COL8A1: variants seen among roughly 807,000 people sequenced by gnomAD.
COL8A1 encodes the protein collagen alpha-1(VIII) chain.
COL8A1 carries 21 observed loss-of-function variants against 42.7 expected under a neutral mutation model. The observed-to-expected ratio is 0.49, with a 90% CI of 0.35 to 0.71. The LOEUF (loss-of-function observed/expected upper bound fraction) is 0.71. Among genes scored for constraint, COL8A1 ranks in the 30% least tolerant of loss-of-function variants. COL8A1 has a pLI of 0.01. For missense variants in COL8A1, 788 were observed against 962.4 expected (o/e 0.82, Z 2.40); for synonymous variants, 367 against 369.1 (o/e 0.99, Z 0.06).
chr3:99,674,375 T>C (rs1034650018), intron 1 of COL8A1, among the ~76,000 whole-genome samples: 8 of 151,946 alleles, frequency 5.3e-5, no homozygotes, highest in Admixed American at 2.0e-4. Context: ...GACTGTGGTA[T>C]TGCTACTCCA....
intron 1 of COL8A1, among the ~76,000 whole-genome samples, chr3:99,744,141 A>G (rs1182839921): frequency 2.6e-5 from 4 of 152,148 alleles, no homozygotes; most frequent in Non-Finnish European, 4.4e-5. Context: ...CGTGTTAGCC[A>G]GGATGGTCTC....
intron 1 of COL8A1, among the ~76,000 whole-genome samples, chr3:99,737,826 A>C (rs1357853058): frequency 6.6e-6 from 1 of 151,862 alleles, no homozygotes. Context: ...AGTGTTTTCC[A>C]ACTTGGTTCC....
chr3:99,642,410 A>G (rs1937519542), intron 1 of COL8A1, among the ~76,000 whole-genome samples: 1 of 152,196 alleles, frequency 6.6e-6, no homozygotes, highest in African/African-American at 2.4e-5. Context: ...ACTGAAGTGA[A>G]TAAAACAAAA....
In COL8A1 at chr3:99,686,017, G is replaced by A. The variant is rs6763551; in HGVS notation, c.-129+47353G>A. 5.0e-3 allele frequency among the ~76,000 whole-genome samples: 755 copies of A among 152,200 alleles called. 8 individuals carry two copies. The highest frequency in any genetic ancestry group is 0.017 in the African/African-American group (688 of 41,522). On this transcript the variant is annotated intron_variant, in intron 1 of 3. Coordinates refer to ENST00000652472, the MANE Select transcript of COL8A1 (RefSeq NM_020351.4). ...AAGTAGTAGGACAAAATCTCCTAGA[G>A]GTAGCTAGTTTTGAAAAATCCACAC...
At chr3:99,773,815 GTATATA>G (rs1553682062) in intron 2 of COL8A1, among the ~76,000 whole-genome samples, 37 of 35,914 alleles carry the variant, frequency 1.0e-3, no homozygotes, top group South Asian at 3.3e-3. Context: ...ATATATGTGT[GTATATA>G]TATATATATA....
chr3:99,653,661 C>T (rs1188169359), intron 1 of COL8A1, among the ~76,000 whole-genome samples: 3 of 151,254 alleles, frequency 2.0e-5, no homozygotes, highest in African/African-American at 7.3e-5. Context: ...CATCTAAGAT[C>T]TTACCTCATC....
At chr3:99,644,338 T>C (rs898416070) in intron 1 of COL8A1, among the ~76,000 whole-genome samples, 1 of 152,190 alleles carries the variant, frequency 6.6e-6, no homozygotes, top group African/African-American at 2.4e-5. Context: ...TAGACTTGAC[T>C]CTGACCCAGG....
At chr3:99,654,448 T>A (rs1179074046) in intron 1 of COL8A1, among the ~76,000 whole-genome samples, 1 of 152,180 alleles carries the variant, frequency 6.6e-6, no homozygotes, top group Non-Finnish European at 1.5e-5. Context: ...CTGTGTGTCT[T>A]AATTACCAAG....
rs1164923920 is a variant in COL8A1, at chr3:99,738,279, C to T, written c.-128-6618C>T. On this transcript the variant is annotated intron_variant, in intron 1 of 3. Transcript: ENST00000652472. ...TCCATCGCTGGTGAGGAACTGCGTT[C>T]CTTTGGAGGAGGAGAGGCACTCTGA... is the stretch of plus-strand genomic sequence containing the variant. Among the ~76,000 whole-genome samples the T allele has an allele frequency of 2.0e-5, 3 of 152,336 alleles. No homozygotes were observed. The East Asian group carries it at 5.8e-4, about 29-fold the overall frequency.
chr3:99,722,989 A>G (rs1157858697), intron 1 of COL8A1, among the ~76,000 whole-genome samples: 4 of 145,948 alleles, frequency 2.7e-5, no homozygotes, highest in African/African-American at 7.8e-5. Flanking sequence ...TGAGAAAAAA[A>G]TCAGAGACCA....
chr3:99,798,612 ATATAT>A lies in COL8A1; in HGVS notation c.*2477_*2481del, dbSNP rs1942141773. 1.2e-5 allele frequency: 1 copy of A among 86,380 alleles called. No homozygotes were observed. The highest frequency in any genetic ancestry group is 5.3e-5 in the African/African-American group (1 of 18,908). 5.4% of individuals were successfully genotyped at this position (86,380 alleles called of 1,614,324 possible). On this transcript the variant is annotated 3_prime_UTR_variant, in exon 4 of 4. Coordinates refer to ENST00000652472, the MANE Select transcript of COL8A1 (RefSeq NM_020351.4). ...TTGTCACTCAATTGCCTATATATAT[ATATAT>A]ATGTGTGTGTGTGTGTGTGTGCGCG...
intron 2 of COL8A1, among the ~76,000 whole-genome samples, chr3:99,748,797 C>G (rs1941084260): frequency 6.6e-6 from 1 of 152,196 alleles, no homozygotes; most frequent in Non-Finnish European, 1.5e-5. Context: ...AGGAAAAAAT[C>G]TGGCTTCATT....
rs2107315489 is a variant in COL8A1 at position 99,673,332 on chromosome 3, C to T, written c.-129+34668C>T. On this transcript the variant is annotated intron_variant, in intron 1 of 3. Coordinates refer to ENST00000652472, the MANE Select transcript of COL8A1 (RefSeq NM_020351.4). ...TGAGGAAGAGGGGCTTGGTTGCCCT[C>T]CTTGATCAAGAGTAAAAGTCCTTAA... is the stretch of plus-strand genomic sequence containing the variant. Among the ~76,000 whole-genome samples, 2 of 152,116 alleles carry T rather than the reference C, an allele frequency of 1.3e-5. 1 individual carries two copies. The highest frequency in any genetic ancestry group is 2.9e-5 in the Non-Finnish European group (2 of 67,958).
intron 1 of COL8A1, among the ~76,000 whole-genome samples, chr3:99,694,202 G>T (rs1939303933): frequency 1.3e-5 from 2 of 152,276 alleles, no homozygotes; most frequent in South Asian, 4.2e-4. Flanking sequence ...AGAAAAAGTG[G>T]CTGGGTGCAG....
At chr3:99,737,059 G>T (rs1940744109) in intron 1 of COL8A1, among the ~76,000 whole-genome samples, 1 of 152,082 alleles carries the variant, frequency 6.6e-6, no homozygotes, top group South Asian at 2.1e-4. Context: ...TGCAACCCTT[G>T]TCTTTTTTTG....
intron 1 of COL8A1, among the ~76,000 whole-genome samples, chr3:99,696,436 G>T (rs1939367855): frequency 1.3e-5 from 2 of 152,202 alleles, no homozygotes; most frequent in South Asian, 4.1e-4. Context: ...GACCGAAGAG[G>T]ACAAGTCTGA....
At chr3:99,726,818 T>C (rs1940344687) in intron 1 of COL8A1, among the ~76,000 whole-genome samples, 1 of 152,108 alleles carries the variant, frequency 6.6e-6, no homozygotes, top group Non-Finnish European at 1.5e-5. Flanking sequence ...ACTGTAGCCT[T>C]GTAGTATAGT....
At chr3:99,723,921 G>A (rs1442250141) in intron 1 of COL8A1, among the ~76,000 whole-genome samples, 1 of 152,004 alleles carries the variant, frequency 6.6e-6, no homozygotes, top group African/African-American at 2.4e-5. Flanking sequence ...TACACTAACA[G>A]TTCATACCAA....
chr3:99,733,698 G>T (rs1404084397), intron 1 of COL8A1, among the ~76,000 whole-genome samples: 4 of 151,352 alleles, frequency 2.6e-5, no homozygotes, highest in African/African-American at 9.7e-5. Flanking sequence ...GGTATTTCCA[G>T]TTCTAGATCC....
Sources: gnomAD v4.1 joint callset for allele counts (sites outside exome capture counted in the v4.1 genomes callset) on GRCh38, gnomAD v4.1.1 for gene constraint, MANE v1.5 for transcripts, NCBI Gene and HGNC (gene_info 2026-07-23, HGNC 2026-07-21) for gene names.